HLCS: variants seen among roughly 807,000 people sequenced by gnomAD.
HLCS encodes biotin--protein ligase.
Under a neutral mutation model 75.0 loss-of-function variants are expected in HLCS, and 53 were observed. The observed-to-expected ratio is 0.71, with a 90% CI of 0.57 to 0.89. The LOEUF is 0.89. HLCS is among the 40% of genes least tolerant of loss of function. HLCS has a pLI of 0.00. For synonymous variants in HLCS, 431 were observed against 428.6 expected (o/e 1.01, Z -0.07); for missense variants, 966 against 1,074.0 (o/e 0.90, Z 1.41).
intron 6 of HLCS, among the ~76,000 whole-genome samples, chr21:36,809,633 T>C (rs2835460): frequency 0.15 from 22,107 of 152,236 alleles, 1,686 homozygotes; most frequent in South Asian, 0.28. Flanking sequence ...TTTTCAGTTC[T>C]AGAATTTCCA....
chr21:36,798,713 T>C (rs1285921463), intron 6 of HLCS, among the ~76,000 whole-genome samples: 1 of 152,252 alleles, frequency 6.6e-6, no homozygotes, highest in African/African-American at 2.4e-5. Flanking sequence ...TCAGTCTTTT[T>C]TAAGTTCAGC....
chr21:36,764,212 C>T (rs187510099), intron 8 of HLCS, among the ~76,000 whole-genome samples: 1 of 152,220 alleles, frequency 6.6e-6, no homozygotes, highest in Admixed American at 6.5e-5. Flanking sequence ...TCCTGGCCAA[C>T]ATGGTGAAAC....
At chr21:36,844,692 CT>C (rs149733958) in intron 6 of HLCS, among the ~76,000 whole-genome samples, 2,480 of 142,416 alleles carry the variant, frequency 0.017, 37 homozygotes, top group African/African-American at 0.05. Flanking sequence ...GAACGACTAT[CT>C]TTTTTTTTTT....
chr21:36,755,239 A>C (rs2089517084), intron 10 of HLCS, among the ~76,000 whole-genome samples: 1 of 152,000 alleles, frequency 6.6e-6, no homozygotes, highest in Non-Finnish European at 1.5e-5. Context: ...TCTACAAAAA[A>C]ATTTTTTTTT....
chr21:36,827,572 T>TC (rs1356571901), intron 6 of HLCS, among the ~76,000 whole-genome samples: 1 of 95,608 alleles, frequency 1.0e-5, no homozygotes, highest in Non-Finnish European at 2.1e-5. Context: ...AGACTCCATC[T>TC]CAAAAAAAAA....
At chr21:36,941,745 C>T (rs2067151283) in intron 2 of HLCS, among the ~76,000 whole-genome samples, 1 of 152,228 alleles carries the variant, frequency 6.6e-6, no homozygotes, top group Non-Finnish European at 1.5e-5. Flanking sequence ...TGTCTCACGC[C>T]TGTAACCACA....
At chr21:36,953,866 T>A (rs2067789353) in intron 2 of HLCS, among the ~76,000 whole-genome samples, 1 of 152,198 alleles carries the variant, frequency 6.6e-6, no homozygotes, top group Non-Finnish European at 1.5e-5. Context: ...CGATGGACCA[T>A]ATATATGATG....
intron 1 of HLCS, 80 bp downstream of exon 1, chr21:36,966,364 T>G (rs1487945806): frequency 2.9e-6 from 2 of 688,384 alleles, no homozygotes; most frequent in Non-Finnish European, 3.6e-6. Context: ...ACTCCCGGGC[T>G]CCCGGCGGGG....
At position 36,923,930 on chromosome 21, in the gene HLCS, T is replaced by G. The variant is rs746725261; in HGVS notation, c.1620+6321A>C. On this transcript the variant is annotated intron_variant, in intron 5 of 10. Coordinates refer to ENST00000674895, the MANE Select transcript of HLCS (RefSeq NM_001352514.2). ...GGTATATGAAAGACCCTTAAAAGCA[T>G]TCATAGCTATAAAAGCTTTTAAATG... 4.6e-4 allele frequency among the ~76,000 whole-genome samples: 70 copies of G among 152,122 alleles called. 2 individuals carry two copies. Among genetic ancestry groups the G allele is most frequent in the Non-Finnish European group, 8.8e-5 (6 of 68,014 alleles).
At chr21:36,769,662 C>G (rs921483125) in intron 6 of HLCS, among the ~76,000 whole-genome samples, 1 of 152,178 alleles carries the variant, frequency 6.6e-6, no homozygotes, top group Non-Finnish European at 1.5e-5. Flanking sequence ...GTTTTGTACT[C>G]TTGTGTTGAG....
chr21:36,955,014 T>C (rs2067864172), intron 2 of HLCS, among the ~76,000 whole-genome samples: 2 of 152,126 alleles, frequency 1.3e-5, no homozygotes. Context: ...TGAGCCAAGA[T>C]AGTGCCATTG....
intron 6 of HLCS, among the ~76,000 whole-genome samples, chr21:36,781,569 T>C (rs1301197773): frequency 1.3e-5 from 2 of 152,184 alleles, no homozygotes; most frequent in Non-Finnish European, 2.9e-5. Flanking sequence ...GATTTCTGTA[T>C]AATAATTTTA....
intron 6 of HLCS, among the ~76,000 whole-genome samples, chr21:36,853,812 T>C (rs533654162): frequency 1.3e-5 from 2 of 152,342 alleles, no homozygotes; most frequent in African/African-American, 4.8e-5. Flanking sequence ...GAGTGCAATA[T>C]AATTTTTGGC....
chr21:36,820,979 C>A (rs765903588), intron 6 of HLCS, among the ~76,000 whole-genome samples: 1 of 152,168 alleles, frequency 6.6e-6, no homozygotes, highest in Non-Finnish European at 1.5e-5. Flanking sequence ...TGGACTAGTG[C>A]CAGCCCTAGC....
intron 4 of HLCS, among the ~76,000 whole-genome samples, chr21:36,935,745 TAAAC>T (rs1444670514): frequency 6.6e-6 from 1 of 152,164 alleles, no homozygotes; most frequent in African/African-American, 2.4e-5. Flanking sequence ...ACCGTTTGCT[TAAAC>T]AAACAAAAAG....
chr21:36,973,112 G>A (rs1296449767), intron 1 of HLCS, among the ~76,000 whole-genome samples: 1 of 151,902 alleles, frequency 6.6e-6, no homozygotes, highest in Non-Finnish European at 1.5e-5. Context: ...TGCCTGTGGT[G>A]ACAGCTTCTC....
intron 6 of HLCS, among the ~76,000 whole-genome samples, chr21:36,880,291 A>C (rs1395637423): frequency 6.6e-6 from 1 of 152,212 alleles, no homozygotes. Context: ...ATATTTTGCA[A>C]CAGAAAGAAG....
intron 5 of HLCS, among the ~76,000 whole-genome samples, chr21:36,902,195 G>T (rs1452096756): frequency 6.6e-6 from 1 of 152,190 alleles, no homozygotes; most frequent in East Asian, 1.9e-4. Context: ...CTGGCAAAGG[G>T]TCTCCTTTAA....
At chr21:36,787,361 C>T (rs900952328) in intron 6 of HLCS, among the ~76,000 whole-genome samples, 5 of 152,180 alleles carry the variant, frequency 3.3e-5, no homozygotes, top group African/African-American at 9.6e-5. Flanking sequence ...GGACTCCCTG[C>T]CACAGCCAGG....
Sources: gnomAD v4.1 joint callset for allele counts (sites outside exome capture counted in the v4.1 genomes callset) on GRCh38, gnomAD v4.1.1 for gene constraint, MANE v1.5 for transcripts, NCBI Gene and HGNC (gene_info 2026-07-23, HGNC 2026-07-21) for gene names.